Variants in SH3GL2 observed in about 807,000 individuals in gnomAD.
SH3GL2 encodes SH3 domain containing GRB2 like 2, endophilin A1, also known as endophilin-A1.
SH3GL2 carries 24 observed loss-of-function variants against 46.0 expected under a neutral mutation model. The observed-to-expected ratio is 0.52, with a 90% CI of 0.38 to 0.73. SH3GL2 has a LOEUF of 0.73. SH3GL2 is among the 30% of genes least tolerant of loss of function. The pLI is 0.00. For missense variants in SH3GL2, 413 were observed against 424.2 expected (o/e 0.97, Z 0.23); for synonymous variants, 196 against 147.1 (o/e 1.33, Z -2.40).
intron 3 of SH3GL2, among the ~76,000 whole-genome samples, chr9:17,763,900 G>A (rs144074748): frequency 3.3e-5 from 5 of 152,266 alleles, no homozygotes; most frequent in Admixed American, 6.5e-5. Flanking sequence ...TCATTTAGGT[G>A]TGAAGGGTCC....
intron 1 of SH3GL2, among the ~76,000 whole-genome samples, chr9:17,700,115 A>G (rs888157082): frequency 2.7e-5 from 4 of 147,672 alleles, no homozygotes; most frequent in Admixed American, 2.7e-4. Context: ...ACACATGGCA[A>G]CATTATCTCT....
chr9:17,633,834 G>T (rs2224449), intron 1 of SH3GL2, among the ~76,000 whole-genome samples: 1 of 152,120 alleles, frequency 6.6e-6, no homozygotes, highest in Admixed American at 6.5e-5. Context: ...GTAGGTGTAT[G>T]TTCAGCTGAA....
chr9:17,737,112 A>T (rs1237633469), intron 1 of SH3GL2, among the ~76,000 whole-genome samples: 1 of 152,164 alleles, frequency 6.6e-6, no homozygotes, highest in Non-Finnish European at 1.5e-5. Context: ...ACAGAAAACA[A>T]AACACCACAT....
chr9:17,738,525 TATAC>T (rs1465976959), intron 1 of SH3GL2, among the ~76,000 whole-genome samples: 1,716 of 122,344 alleles, frequency 0.014, 71 homozygotes, highest in African/African-American at 0.046. Context: ...TGTGTGTGTA[TATAC>T]ATACATATAT....
At chr9:17,648,285 A>G (rs1819875582) in intron 1 of SH3GL2, among the ~76,000 whole-genome samples, 1 of 152,198 alleles carries the variant, frequency 6.6e-6, no homozygotes, top group Middle Eastern at 3.2e-3. Flanking sequence ...AGGGAAAAGA[A>G]CATGATCAAG....
chr9:17,740,725 C>T (rs1461479030), intron 1 of SH3GL2, among the ~76,000 whole-genome samples: 1 of 152,038 alleles, frequency 6.6e-6, no homozygotes, highest in East Asian at 1.9e-4. Flanking sequence ...TGTGTGAAAT[C>T]AGTTTAAAAT....
intron 3 of SH3GL2, among the ~76,000 whole-genome samples, chr9:17,772,715 A>G (rs1347474090): frequency 1.3e-5 from 2 of 152,172 alleles, no homozygotes; most frequent in Non-Finnish European, 2.9e-5. Flanking sequence ...TTGTGTGTAA[A>G]TAGTGCAATT....
At chr9:17,702,014 C>G (rs549333947) in intron 1 of SH3GL2, among the ~76,000 whole-genome samples, 2 of 151,984 alleles carry the variant, frequency 1.3e-5, no homozygotes, top group East Asian at 3.9e-4. Flanking sequence ...ATAAGGAAAA[C>G]TAGCCCTAAT....
At chr9:17,630,051 C>A (rs1232355162) in intron 1 of SH3GL2, among the ~76,000 whole-genome samples, 2 of 152,124 alleles carry the variant, frequency 1.3e-5, no homozygotes, top group African/African-American at 4.8e-5. Context: ...TCATGTTTTG[C>A]AAGTGACTCT....
At chr9:17,594,570 G>T (rs1418542592) in intron 1 of SH3GL2, among the ~76,000 whole-genome samples, 3 of 151,966 alleles carry the variant, frequency 2.0e-5, no homozygotes, top group African/African-American at 7.3e-5. Context: ...TAGGTGCACC[G>T]AACCACCATG....
At chr9:17,767,350 A>G (rs1466148178) in intron 3 of SH3GL2, among the ~76,000 whole-genome samples, 1 of 152,232 alleles carries the variant, frequency 6.6e-6, no homozygotes, top group East Asian at 1.9e-4. Context: ...AAAATGTACC[A>G]TTAGTCCCTG....
intron 1 of SH3GL2, among the ~76,000 whole-genome samples, chr9:17,645,464 T>A (rs1819792354): frequency 1.3e-5 from 2 of 152,200 alleles, no homozygotes. Context: ...TTGTTCATAA[T>A]GTTGACGTTC....
intron 1 of SH3GL2, among the ~76,000 whole-genome samples, chr9:17,729,396 T>C (rs1822112642): frequency 6.6e-6 from 1 of 152,160 alleles, no homozygotes; most frequent in African/African-American, 2.4e-5. Context: ...GCAAAAATTT[T>C]CCCCCATTCC....
At chr9:17,608,914 A>T (rs764404704) in intron 1 of SH3GL2, among the ~76,000 whole-genome samples, 2 of 152,238 alleles carry the variant, frequency 1.3e-5, no homozygotes, top group Non-Finnish European at 2.9e-5. Context: ...TACAATAATT[A>T]AAAAATGTTT....
At position 17,796,593 on chromosome 9, in the gene SH3GL2, T is replaced by C. The variant is rs557482311; in HGVS notation, c.*850T>C. 2.0e-4 allele frequency: 31 copies of C among 152,652 alleles called. No individual in the cohort carries two copies. The highest frequency in any genetic ancestry group is 7.5e-4 in the African/African-American group (31 of 41,582). The allele number at this position is 152,652 out of a possible 1,614,324, so 9.5% of individuals were successfully genotyped here. ...TCTTCACTTCAGTTTTATTTGTGAA[T>C]TACATGTTTCATGAATCCATTTGGC... On this transcript the variant is annotated 3_prime_UTR_variant, in exon 9 of 9. Coordinates refer to ENST00000380607, the MANE Select transcript of SH3GL2 (RefSeq NM_003026.5).
At chr9:17,705,972 A>G (rs1821462692) in intron 1 of SH3GL2, among the ~76,000 whole-genome samples, 1 of 152,082 alleles carries the variant, frequency 6.6e-6, no homozygotes, top group African/African-American at 2.4e-5. Flanking sequence ...TGGTAGTTCC[A>G]TCCAATTTGT....
chr9:17,580,674 T>C (rs907325236), intron 1 of SH3GL2, among the ~76,000 whole-genome samples: 1 of 152,242 alleles, frequency 6.6e-6, no homozygotes, highest in Non-Finnish European at 1.5e-5. Flanking sequence ...TTTGTTGATG[T>C]AGTTTGGAAG....
rs146034043 is a variant in SH3GL2 at position 17,600,143 on chromosome 9, C to T, written c.45+20856C>T. Among the ~76,000 whole-genome samples the T allele has an allele frequency of 5.8e-3, 884 of 152,192 alleles. 10 individuals carry two copies. Among genetic ancestry groups the T allele is most frequent in the African/African-American group, 0.021 (855 of 41,506 alleles). On this transcript the variant is annotated intron_variant, in intron 1 of 8. Transcript: ENST00000380607. ...CAGCAGTTTAGACACAAAAAAGTACCTGGGTGCAGAAGCATTTTCATTAAA... is the reference window on the plus strand; with the variant it reads ...CAGCAGTTTAGACACAAAAAAGTACTTGGGTGCAGAAGCATTTTCATTAAA...
chr9:17,735,993 T>C (rs188188249), intron 1 of SH3GL2, among the ~76,000 whole-genome samples: 1 of 152,144 alleles, frequency 6.6e-6, no homozygotes. Flanking sequence ...CAATTTCTCG[T>C]TTGATTCAGC....
Sources: gnomAD v4.1 joint callset for allele counts (sites outside exome capture counted in the v4.1 genomes callset) on GRCh38, gnomAD v4.1.1 for gene constraint, MANE v1.5 for transcripts, NCBI Gene and HGNC (gene_info 2026-07-23, HGNC 2026-07-21) for gene names.